UMAD1: variants seen among roughly 807,000 people sequenced by gnomAD.
UMAD1 encodes UBAP1-MVB12-associated (UMA) domain containing 1, also known as UBAP1-MVB12-associated (UMA)-domain containing protein 1.
A neutral mutation model predicts 6.1 loss-of-function variants in UMAD1; 8 were observed. That is an observed-to-expected ratio of 1.30 (90% CI 0.76 to 2.35). The LOEUF (loss-of-function observed/expected upper bound fraction) is 2.35. UMAD1 is among the 30% of genes most tolerant of loss of function. The pLI is 0.00. For missense variants in UMAD1, 130 were observed against 78.4 expected (o/e 1.66, Z -2.49); for synonymous variants, 56 against 31.4 (o/e 1.78, Z -2.61).
intron 2 of UMAD1, among the ~76,000 whole-genome samples, chr7:7,677,044 T>A (rs992988810): frequency 4.6e-5 from 7 of 152,036 alleles, no homozygotes; most frequent in Non-Finnish European, 1.0e-4. Flanking sequence ...AGAAAATGCT[T>A]TTAATGCTTT....
chr7:7,774,597 T>C (rs958388732), intron 2 of UMAD1, among the ~76,000 whole-genome samples: 25 of 152,228 alleles, frequency 1.6e-4, no homozygotes, highest in African/African-American at 6.0e-4. Context: ...TTGGGAACTC[T>C]TGACAACCAA....
chr7:7,818,006 G>A (rs539484569), intron 3 of UMAD1, among the ~76,000 whole-genome samples: 1 of 152,248 alleles, frequency 6.6e-6, no homozygotes, highest in East Asian at 1.9e-4. Flanking sequence ...TTCAGGTTCA[G>A]AGGTACATGC....
chr7:7,817,972 C>G (rs1205336813), intron 3 of UMAD1, among the ~76,000 whole-genome samples: 1 of 152,126 alleles, frequency 6.6e-6, no homozygotes, highest in Non-Finnish European at 1.5e-5. Flanking sequence ...TGACACCAGG[C>G]TCAGCTAATT....
chr7:7,872,550 A>G (rs1050358633), intron 3 of UMAD1, among the ~76,000 whole-genome samples: 67 of 152,254 alleles, frequency 4.4e-4, no homozygotes, highest in African/African-American at 1.6e-3. Context: ...TAACGAAAAA[A>G]TTTGAAATAT....
At chr7:7,648,332 G>A (rs1785145135) in intron 1 of UMAD1, among the ~76,000 whole-genome samples, 1 of 152,164 alleles carries the variant, frequency 6.6e-6, no homozygotes, top group African/African-American at 2.4e-5. Context: ...ACTTTATACT[G>A]TGTGGCCCTT....
At chr7:7,809,404 T>A (rs1241960759) in intron 3 of UMAD1, among the ~76,000 whole-genome samples, 1 of 151,988 alleles carries the variant, frequency 6.6e-6, no homozygotes, top group African/African-American at 2.4e-5. Flanking sequence ...CATTTCTTTT[T>A]AAAAACTTTT....
At chr7:7,710,407 A>G (rs527712799) in intron 2 of UMAD1, among the ~76,000 whole-genome samples, 1 of 152,356 alleles carries the variant, frequency 6.6e-6, no homozygotes, top group Admixed American at 6.5e-5. Flanking sequence ...AAATGGGCAA[A>G]AGACATGAAG....
chr7:7,866,929 T>A (rs1784242345), intron 3 of UMAD1, among the ~76,000 whole-genome samples: 1 of 152,088 alleles, frequency 6.6e-6, no homozygotes, highest in Non-Finnish European at 1.5e-5. Context: ...ATGAAGAGAA[T>A]GACATGAACC....
intron 3 of UMAD1, 28 bp downstream of exon 3, chr7:7,801,771 G>A (rs552637592): frequency 4.7e-5 from 34 of 715,810 alleles, no homozygotes; most frequent in Middle Eastern, 2.3e-4. Flanking sequence ...AGTCCTTTTC[G>A]GTGAAACTGA....
chr7:7,705,051 C>T (rs1469708711), intron 2 of UMAD1, among the ~76,000 whole-genome samples: 1 of 152,148 alleles, frequency 6.6e-6, no homozygotes, highest in African/African-American at 2.4e-5. Flanking sequence ...CACAGGACTA[C>T]TGACATTCTT....
intron 1 of UMAD1, among the ~76,000 whole-genome samples, chr7:7,656,833 AATGGG>A (rs1785355788): frequency 6.6e-6 from 1 of 152,186 alleles, no homozygotes. Context: ...TATACCCAGT[AATGGG>A]ATTGCTGGGT....
intron 2 of UMAD1, among the ~76,000 whole-genome samples, chr7:7,706,831 T>C (rs1374760233): frequency 6.6e-6 from 1 of 152,172 alleles, no homozygotes; most frequent in African/African-American, 2.4e-5. Context: ...TTGGTTTTGT[T>C]ATTTTTTGGA....
At chr7:7,810,616 C>T (rs914865821) in intron 3 of UMAD1, among the ~76,000 whole-genome samples, 1 of 152,084 alleles carries the variant, frequency 6.6e-6, no homozygotes, top group Non-Finnish European at 1.5e-5. Context: ...AGAGTACTTG[C>T]ATTTGGGATG....
intron 3 of UMAD1, among the ~76,000 whole-genome samples, chr7:7,817,750 C>T (rs1320222483): frequency 6.6e-6 from 1 of 152,072 alleles, no homozygotes; most frequent in African/African-American, 2.4e-5. Flanking sequence ...TTTTTGCATC[C>T]GTTCCTGACT....
chr7:7,754,320 C>T (rs1323511469), intron 2 of UMAD1, among the ~76,000 whole-genome samples: 1 of 152,098 alleles, frequency 6.6e-6, no homozygotes, highest in Non-Finnish European at 1.5e-5. Context: ...GACATGATAT[C>T]TTATTGTAAT....
At chr7:7,777,368 T>A (rs1164382081) in intron 2 of UMAD1, among the ~76,000 whole-genome samples, 3 of 150,948 alleles carry the variant, frequency 2.0e-5, no homozygotes, top group Non-Finnish European at 4.4e-5. Flanking sequence ...TAGCTGGGCG[T>A]GGTGGTGGGT....
rs943932415 is a variant in UMAD1 at position 7,808,603 on chromosome 7, G to A, written c.156+6860G>A. On this transcript the variant is annotated intron_variant, in intron 3 of 3. Transcript: ENST00000682710. ...AATCTAGTTTTAGCAGATATTTTTAGGTTGTTTATTTTAAGTGTTGGTTGA... is the reference window on the plus strand; with the variant it reads ...AATCTAGTTTTAGCAGATATTTTTAAGTTGTTTATTTTAAGTGTTGGTTGA... Among the ~76,000 whole-genome samples the A allele has an allele frequency of 2.0e-4, 30 of 151,786 alleles. No homozygotes were observed. In the South Asian group the frequency reaches 2.9e-3, roughly 15 times the overall value.
At chr7:7,808,987 C>T (rs1298768561) in intron 3 of UMAD1, among the ~76,000 whole-genome samples, 1 of 151,942 alleles carries the variant, frequency 6.6e-6, no homozygotes, top group Non-Finnish European at 1.5e-5. Context: ...GAAACTGGCA[C>T]TAACACCTTC....
intron 2 of UMAD1, 28 bp from the exon 3 acceptor site, chr7:7,801,642 A>T (rs1405737722): frequency 1.4e-6 from 1 of 712,354 alleles, no homozygotes. Context: ...GTCAAGTTTT[A>T]AAAATAGACA....
Sources: gnomAD v4.1 joint callset for allele counts (sites outside exome capture counted in the v4.1 genomes callset) on GRCh38, gnomAD v4.1.1 for gene constraint, MANE v1.5 for transcripts, NCBI Gene and HGNC (gene_info 2026-07-23, HGNC 2026-07-21) for gene names.